FLT3LG: variants seen among roughly 807,000 people sequenced by gnomAD.
FLT3LG encodes the protein fms related receptor tyrosine kinase 3 ligand.
FLT3LG carries 8 observed loss-of-function variants against 30.9 expected under a neutral mutation model. The observed-to-expected ratio is 0.26, with a 90% CI of 0.15 to 0.47. The LOEUF (loss-of-function observed/expected upper bound fraction) is 0.47. Ranked by LOEUF, FLT3LG falls within the 20% of genes least tolerant of loss-of-function variation. The pLI is 0.99. For synonymous variants in FLT3LG, 123 were observed against 135.9 expected (o/e 0.91, Z 0.66); for missense variants, 278 against 306.2 (o/e 0.91, Z 0.69).
intron 3 of FLT3LG, 50 bp downstream of exon 3, chr19:49,475,851 T>A (rs1450885104): frequency 1.2e-6 from 1 of 815,044 alleles, no homozygotes; most frequent in Non-Finnish European, 1.6e-6. Context: ...TTCCCCCCAC[T>A]TTTTTTTTTA....
At chr19:49,482,739 T>C (rs2079656795) in intron 8 of FLT3LG, among the ~76,000 whole-genome samples, 1 of 151,756 alleles carries the variant, frequency 6.6e-6, no homozygotes, top group South Asian at 2.1e-4. Context: ...GCGATTCTCC[T>C]GCTTCAGTCT....
intron 8 of FLT3LG, among the ~76,000 whole-genome samples, chr19:49,485,628 C>T (rs1001344901): frequency 2.6e-5 from 4 of 152,072 alleles, no homozygotes; most frequent in Non-Finnish European, 5.9e-5. Context: ...GTGATCCGCC[C>T]GCCTCGACCT....
At position 49,476,378 on chromosome 19, in the gene FLT3LG, C is replaced by CCCGT; in HGVS notation, c.199-44_199-41dup. ...CCCCTCCTCCCTCAGACCCAGCAGC[C>CCCGT]CCGTGCCCAGCTCCTCCCTCAGACC... On this transcript the variant is annotated intron_variant, in intron 4 of 8. Transcript: ENST00000597551. This position sits in a 1 kb window ranked among gnomAD's most constrained non-coding sequence, Gnocchi z 5.3. 1 of 1,586,974 alleles carries CCCGT rather than the reference C, an allele frequency of 6.3e-7. No individual in the cohort carries two copies. Among genetic ancestry groups the CCCGT allele is most frequent in the Non-Finnish European group, 8.6e-7 (1 of 1,164,276 alleles).
intron 2 of FLT3LG, 100 bp from the exon 3 acceptor site, chr19:49,475,591 A>G: frequency 7.0e-7 from 1 of 1,428,836 alleles, no homozygotes; most frequent in Non-Finnish European, 9.3e-7. Flanking sequence ...CACCCAGGGA[A>G]GGAGGAGCGG....
At chr19:49,484,609 G>A (rs2079737693) in intron 8 of FLT3LG, among the ~76,000 whole-genome samples, 1 of 151,956 alleles carries the variant, frequency 6.6e-6, no homozygotes, top group Non-Finnish European at 1.5e-5. Context: ...CGATTCTACT[G>A]CCTCAGCCTC....
At chr19:49,479,142 A>G (rs1056356644) in intron 6 of FLT3LG, 95 bp downstream of exon 6, 10 of 1,118,952 alleles carry the variant, frequency 8.9e-6, no homozygotes, top group Non-Finnish European at 1.1e-5. Flanking sequence ...TCTTTCTCAT[A>G]TTGGTTGTGA....
intron 8 of FLT3LG, chr19:49,481,425 C>G (rs1204372162): frequency 6.6e-6 from 1 of 152,468 alleles, no homozygotes; most frequent in African/African-American, 2.4e-5. Flanking sequence ...GAGGGAACTG[C>G]CTTTGGAAGC....
At chr19:49,475,593 G>A in intron 2 of FLT3LG, 98 bp from the exon 3 acceptor site, 1 of 1,444,638 alleles carries the variant, frequency 6.9e-7, no homozygotes. Context: ...CCCAGGGAAG[G>A]AGGAGCGGGG....
chr19:49,482,051 C>T (rs2079632736), intron 8 of FLT3LG: 1 of 152,062 alleles, frequency 6.6e-6, no homozygotes, highest in African/African-American at 2.4e-5. Flanking sequence ...CATTATGATC[C>T]CAAGGCATAG....
intron 5 of FLT3LG, 61 bp from the exon 6 acceptor site, chr19:49,478,848 G>C: frequency 7.0e-7 from 1 of 1,423,236 alleles, no homozygotes; most frequent in Non-Finnish European, 9.3e-7. Context: ...AAGGGCCTTT[G>C]GCCTGCGGAG....
chr19:49,485,255 T>C (rs922874887), intron 8 of FLT3LG, among the ~76,000 whole-genome samples: 2 of 149,214 alleles, frequency 1.3e-5, no homozygotes, highest in Middle Eastern at 3.4e-3. Flanking sequence ...TTTCTTTTTT[T>C]TTTTTTTTTT....
intron 8 of FLT3LG, 91 bp from the exon 9 acceptor site, chr19:49,485,924 G>A (rs2079789774): frequency 6.6e-6 from 1 of 152,234 alleles, no homozygotes; most frequent in African/African-American, 2.4e-5. Flanking sequence ...TAAATCTGTG[G>A]CCCGCCCCAA....
At position 49,474,268 on chromosome 19, in the gene FLT3LG, C is replaced by T. The variant is rs1200065428; in HGVS notation, c.-51C>T. 3 of 370,648 alleles carry T rather than the reference C, an allele frequency of 8.1e-6. No homozygotes were observed. The highest frequency in any genetic ancestry group is 1.5e-5 in the Non-Finnish European group (3 of 202,278). The allele number at this position is 370,648 out of a possible 1,614,324, so 23.0% of individuals were successfully genotyped here. A position where few individuals can be genotyped will look rare whatever the true frequency, so the allele number is the denominator to read the frequency against. On this transcript the variant is annotated 5_prime_UTR_variant, in exon 1 of 9. Coordinates refer to ENST00000597551, the MANE Select transcript of FLT3LG (RefSeq NM_001459.4). Reference sequence around the variant, plus strand: ...CCGGCTTGGCCCCTTCCACACCCAACTGGGGCAAGCCTGGTGCGTGAGGAG... The same window carrying T: ...CCGGCTTGGCCCCTTCCACACCCAATTGGGGCAAGCCTGGTGCGTGAGGAG...
Position 49,478,918 on chromosome 19 carries a change from A to C in FLT3LG, c.352A>C (p.Ser118Arg). ...VTKCAFQPPPSCLRFVQTNIS... is the reference protein window; with the variant it reads ...VTKCAFQPPPRCLRFVQTNIS... Reference sequence around the variant, plus strand: ...CCTCCCCTGCTCCCAGCCCCCCCCCAGCTGTCTTCGCTTCGTCCAGACCAA... The same window carrying C: ...CCTCCCCTGCTCCCAGCCCCCCCCCCGCTGTCTTCGCTTCGTCCAGACCAA... Residue 118 changes from serine to arginine, a missense_variant, in exon 6 of 9, where the codon AGC (serine) becomes CGC (arginine). Ser to Arg is a moderately radical substitution (Grantham distance 110, BLOSUM62 -1). This residue lies in a region of FLT3LG where 170 missense variants were observed against 162.0 expected (regional missense o/e 1.05). Transcript: ENST00000597551. The C allele has an allele frequency of 2.0e-6, 3 of 1,530,558 alleles. No homozygotes were observed. The highest frequency in any genetic ancestry group is 2.6e-6 in the Non-Finnish European group (3 of 1,135,970). 94.8% of individuals were successfully genotyped at this position (1,530,558 alleles called of 1,614,324 possible).
At chr19:49,479,147 T>C in intron 6 of FLT3LG, 100 bp downstream of exon 6, 1 of 1,128,806 alleles carries the variant, frequency 8.9e-7, no homozygotes, top group South Asian at 2.1e-5. Flanking sequence ...CTCATATTGG[T>C]TGTGACAAGG....
intron 6 of FLT3LG, chr19:49,479,837 C>T (rs1391637069): frequency 6.7e-6 from 1 of 150,250 alleles, no homozygotes; most frequent in Non-Finnish European, 1.4e-5. Flanking sequence ...CGGAGTCTTG[C>T]TCTGTCGCCC....
At chr19:49,475,843 C>A (rs756749397) in intron 3 of FLT3LG, 42 bp downstream of exon 3, 5 of 1,474,264 alleles carry the variant, frequency 3.4e-6, no homozygotes, top group East Asian at 2.5e-5. Flanking sequence ...GATCCCCCTT[C>A]CCCCCACTTT....
In FLT3LG at chr19:49,478,917, C is replaced by A. The variant is rs1002854603; in HGVS notation, c.351C>A (p.Pro117=). ...CCCTCCCCTGCTCCCAGCCCCCCCC[C>A]AGCTGTCTTCGCTTCGTCCAGACCA... ...FVTKCAFQPP[P]SCLRFVQTNI... Residue 117 remains proline (P), a synonymous_variant, in exon 6 of 9, where the codon CCC becomes CCA. Coordinates refer to ENST00000597551, the MANE Select transcript of FLT3LG (RefSeq NM_001459.4). The A allele has an allele frequency of 5.9e-6, 9 of 1,538,150 alleles. No individual in the cohort carries two copies. The highest frequency in any genetic ancestry group is 4.0e-5 in the Admixed American group (2 of 49,810).
chr19:49,475,883 C>T (rs2079377655), intron 3 of FLT3LG, 82 bp downstream of exon 3: 1 of 1,300,140 alleles, frequency 7.7e-7, no homozygotes, highest in Non-Finnish European at 1.1e-6. Flanking sequence ...GGTCTCTCTC[C>T]CTGTGTTTCC....
Sources: gnomAD v4.1 joint callset for allele counts (sites outside exome capture counted in the v4.1 genomes callset) on GRCh38, gnomAD v4.1.1 for gene constraint, gnomAD v4.1.1 regional missense constraint, Gnocchi (gnomAD v3.1) non-coding constraint, MANE v1.5 for transcripts, NCBI Gene and HGNC (gene_info 2026-07-23, HGNC 2026-07-21) for gene names.